Variants in CADPS2 observed in about 807,000 individuals in gnomAD.
CADPS2 encodes the protein calcium-dependent secretion activator 2.
CADPS2 carries 93 observed loss-of-function variants against 172.5 expected under a neutral mutation model. That is an observed-to-expected ratio of 0.54 (90% confidence interval 0.46 to 0.64). The LOEUF (loss-of-function observed/expected upper bound fraction) is 0.64. Among genes scored for constraint, CADPS2 ranks in the 30% least tolerant of loss-of-function variants. CADPS2 has a pLI of 0.00. For synonymous variants in CADPS2, 546 were observed against 555.2 expected, an observed-to-expected ratio of 0.98 and a Z score of 0.23; for missense variants, 1,420 against 1,565.9, an observed-to-expected ratio of 0.91 and a Z score of 1.57.
rs1172757469 is a variant in CADPS2 at position 122,735,124 on chromosome 7, GTT to G, written c.453+1829_453+1830del. Reference sequence around the variant, plus strand: ...ACCCCAGGACCTGTTTCTGTAGTATGTTTCCCAAGTGACTGTGAAAGGCCACT... The same window carrying G: ...ACCCCAGGACCTGTTTCTGTAGTATGTCCCAAGTGACTGTGAAAGGCCACT... On this transcript the variant is annotated intron_variant, in intron 2 of 29. Transcript: ENST00000449022. 2.6e-5 allele frequency among the ~76,000 whole-genome samples: 4 copies of G among 152,086 alleles called. No homozygotes were observed. The East Asian group carries it at 5.8e-4, about 22-fold the overall frequency.
chr7:122,607,988 G>T (rs547604360), intron 6 of CADPS2, among the ~76,000 whole-genome samples: 2 of 152,120 alleles, frequency 1.3e-5, no homozygotes, highest in Non-Finnish European at 2.9e-5. Flanking sequence ...GGAGGGCGAG[G>T]TGGGTGGATC....
At chr7:122,399,739 T>G (rs1334949779) in intron 20 of CADPS2, among the ~76,000 whole-genome samples, 1 of 127,356 alleles carries the variant, frequency 7.9e-6, no homozygotes, top group Non-Finnish European at 1.6e-5. Context: ...AAGTCTGGAG[T>G]GCAGTGGCGC....
chr7:122,760,945 T>C (rs1414929255), intron 1 of CADPS2, among the ~76,000 whole-genome samples: 4 of 152,036 alleles, frequency 2.6e-5, no homozygotes, highest in Non-Finnish European at 5.9e-5. Context: ...ACATGTACCC[T>C]AAAACTTAAA....
intron 17 of CADPS2, among the ~76,000 whole-genome samples, chr7:122,422,979 AAAAT>A (rs1437434323): frequency 2.6e-5 from 4 of 152,122 alleles, no homozygotes; most frequent in African/African-American, 7.2e-5. Flanking sequence ...AATAAAAATA[AAAAT>A]AAATAAATAA....
chr7:122,785,045 G>A (rs181166249), intron 1 of CADPS2, among the ~76,000 whole-genome samples: 1 of 152,152 alleles, frequency 6.6e-6, no homozygotes, highest in African/African-American at 2.4e-5. Context: ...TATGCTCTGG[G>A]ATTTGAGATG....
chr7:122,786,578 G>A (rs1005192615), intron 1 of CADPS2, among the ~76,000 whole-genome samples: 2 of 152,102 alleles, frequency 1.3e-5, no homozygotes, highest in African/African-American at 4.8e-5. Context: ...GTAGCCATTG[G>A]TGAGATAAAT....
chr7:122,453,652 C>T (rs989962971), intron 14 of CADPS2, among the ~76,000 whole-genome samples: 12 of 152,166 alleles, frequency 7.9e-5, no homozygotes, highest in Non-Finnish European at 1.8e-4. Flanking sequence ...TTTGGCTTAG[C>T]TACCTGGCAG....
intron 17 of CADPS2, among the ~76,000 whole-genome samples, chr7:122,425,207 C>G (rs2049001832): frequency 6.6e-6 from 1 of 151,862 alleles, no homozygotes; most frequent in Non-Finnish European, 1.5e-5. Context: ...TCTCGAATTC[C>G]TGAGCTCAAG....
At chr7:122,328,119 AC>A (rs2034236534) in intron 28 of CADPS2, among the ~76,000 whole-genome samples, 1 of 132,772 alleles carries the variant, frequency 7.5e-6, no homozygotes, top group Admixed American at 8.4e-5. Context: ...TTTCTTGTAT[AC>A]AGTAAAATGC....
intron 27 of CADPS2, among the ~76,000 whole-genome samples, chr7:122,349,869 C>T (rs1308756021): frequency 6.6e-6 from 1 of 152,190 alleles, no homozygotes; most frequent in Non-Finnish European, 1.5e-5. Flanking sequence ...ATGGGTGCAA[C>T]ACTGCAGTCA....
chr7:122,738,853 GAAA>G (rs11480750), intron 1 of CADPS2, among the ~76,000 whole-genome samples: 4 of 131,562 alleles, frequency 3.0e-5, no homozygotes, highest in Non-Finnish European at 6.4e-5. Flanking sequence ...CCCAGGGGGG[GAAA>G]AAAAAAAAAA....
chr7:122,831,445 T>A (rs898308467), intron 1 of CADPS2, among the ~76,000 whole-genome samples: 3 of 152,220 alleles, frequency 2.0e-5, no homozygotes, highest in Non-Finnish European at 4.4e-5. Flanking sequence ...GAACTTATAA[T>A]CACACTTGTA....
At chr7:122,755,263 C>A (rs182168940) in intron 1 of CADPS2, among the ~76,000 whole-genome samples, 1 of 152,098 alleles carries the variant, frequency 6.6e-6, no homozygotes, top group African/African-American at 2.4e-5. Context: ...ACCATGCTGA[C>A]GTCTTTCCTT....
At chr7:122,521,783 A>AG (rs1388734978) in intron 8 of CADPS2, among the ~76,000 whole-genome samples, 3 of 152,118 alleles carry the variant, frequency 2.0e-5, no homozygotes, top group African/African-American at 4.8e-5. Flanking sequence ...AATGCATAAA[A>AG]CATAGAGTTC....
intron 29 of CADPS2, among the ~76,000 whole-genome samples, chr7:122,321,352 G>C (rs933388735): frequency 1.3e-5 from 2 of 152,158 alleles, no homozygotes; most frequent in Non-Finnish European, 2.9e-5. Context: ...TTTTTTTGTA[G>C]AGACAAGGTC....
chr7:122,848,601 C>T (rs1303431395), intron 1 of CADPS2, among the ~76,000 whole-genome samples: 4 of 152,210 alleles, frequency 2.6e-5, no homozygotes, highest in Admixed American at 1.3e-4. Context: ...GGCAAAACTG[C>T]GATTCAAACA....
intron 1 of CADPS2, among the ~76,000 whole-genome samples, chr7:122,758,147 T>G (rs556406823): frequency 6.6e-6 from 1 of 152,316 alleles, no homozygotes; most frequent in Admixed American, 6.5e-5. Flanking sequence ...AAATGTTGGT[T>G]ATTAATATAC....
At position 122,663,420 on chromosome 7, in the gene CADPS2, GC is replaced by G; in HGVS notation, c.602del (p.Ser201ThrfsTer4). 3 of 1,613,938 alleles carry G rather than the reference GC, an allele frequency of 1.9e-6. No individual in the cohort carries two copies. The highest frequency in any genetic ancestry group is 2.5e-6 in the Non-Finnish European group (3 of 1,179,872). ...IDGLSKETVL[S>X]SWIAKYDAIY... Reference sequence around the variant, plus strand: ...TGGCATCATATTTGGCTATCCATGAGCTCAACACTGTCTCTTTGCTCAAGCC... The same window carrying G: ...TGGCATCATATTTGGCTATCCATGAGTCAACACTGTCTCTTTGCTCAAGCC... On this transcript the variant is annotated frameshift_variant, in exon 3 of 30. Coordinates refer to ENST00000449022, the MANE Select transcript of CADPS2 (RefSeq NM_017954.11). LOFTEE classifies it high-confidence loss of function.
intron 1 of CADPS2, among the ~76,000 whole-genome samples, chr7:122,823,065 T>C (rs1803850562): frequency 6.6e-6 from 1 of 152,242 alleles, no homozygotes; most frequent in African/African-American, 2.4e-5. Context: ...TAATTAGTGA[T>C]GTTGAACATT....
Sources: gnomAD v4.1 joint callset for allele counts (sites outside exome capture counted in the v4.1 genomes callset) on GRCh38, gnomAD v4.1.1 for gene constraint, MANE v1.5 for transcripts, NCBI Gene and HGNC (gene_info 2026-07-23, HGNC 2026-07-21) for gene names.